ARFGEF2: variants seen among roughly 807,000 people sequenced by gnomAD.
ARFGEF2 encodes ARF guanine nucleotide exchange factor 2.
Under a neutral mutation model 219.9 loss-of-function variants are expected in ARFGEF2, and 74 were observed. The observed-to-expected ratio is 0.34, with a 90% CI of 0.28 to 0.41. The LOEUF is 0.41. Ranked by LOEUF, ARFGEF2 falls within the 10% of genes least tolerant of loss-of-function variation. The pLI, the probability that ARFGEF2 is intolerant of heterozygous loss-of-function variation, is 1.00. For missense variants in ARFGEF2, 1,743 were observed against 2,218.3 expected, an observed-to-expected ratio of 0.79 and a Z score of 4.30; for synonymous variants, 733 against 799.2, an observed-to-expected ratio of 0.92 and a Z score of 1.40.
rs1568712014 is a variant in ARFGEF2 at position 48,969,223 on chromosome 20, G to A, written c.1136G>A (p.Arg379His). The A allele has an allele frequency of 1.9e-6, 3 of 1,614,002 alleles. No individual in the cohort carries two copies. The highest frequency in any genetic ancestry group is 2.5e-6 in the Non-Finnish European group (3 of 1,180,022). The change falls in exon 9 of 39, where the codon CGC becomes CAC. Residue 379 changes from arginine to histidine, a missense_variant. Transcript: ENST00000371917. Reference sequence around the variant, plus strand: ...CAGAAGGATGCCTTCCTTGTGTTCCGCTCCCTGTGCAAGCTGTCCATGAAA... The same window carrying A: ...CAGAAGGATGCCTTCCTTGTGTTCCACTCCCTGTGCAAGCTGTCCATGAAA... ...VLQKDAFLVFRSLCKLSMKPL... is the reference protein window; with the variant it reads ...VLQKDAFLVFHSLCKLSMKPL...
intron 1 of ARFGEF2, among the ~76,000 whole-genome samples, chr20:48,923,824 G>A (rs1313190787): frequency 2.0e-5 from 3 of 152,164 alleles, no homozygotes; most frequent in Non-Finnish European, 4.4e-5. Flanking sequence ...ATTTTCATCT[G>A]GGTCATGAAG....
At position 48,989,596 on chromosome 20, in the gene ARFGEF2, T is replaced by G; in HGVS notation, c.2726T>G (p.Leu909Arg). 1 of 1,614,216 alleles carries G rather than the reference T, an allele frequency of 6.2e-7. No homozygotes were observed. The highest frequency in any genetic ancestry group is 8.5e-7 in the Non-Finnish European group (1 of 1,180,032). The change falls in exon 20 of 39, where the codon CTC becomes CGC. Residue 909 changes from leucine (L) to arginine (R), a missense_variant. Physicochemically the swap from Leu to Arg is moderately radical, Grantham distance 102. This residue lies in a region of ARFGEF2 where 666 missense variants were observed against 955.4 expected (regional missense o/e 0.70). Transcript: ENST00000371917. The stretch of plus-strand genomic sequence containing the variant: ...CTATTGGCAGCCTACAGCATCGGAC[T>G]CCAGAACTGTGATGACACTGAAGTG... Reference protein sequence around the residue: ...TPLLAAYSIGLQNCDDTEVAS... With the variant: ...TPLLAAYSIGRQNCDDTEVAS...
At position 48,976,135 on chromosome 20, in the gene ARFGEF2, G is replaced by A; in HGVS notation, c.1894G>A (p.Asp632Asn). The change falls in exon 14 of 39, where the codon GAT (aspartate) becomes AAT (asparagine). Residue 632 changes from aspartate to asparagine, a missense_variant. Asp to Asn is a conservative substitution (Grantham distance 23, BLOSUM62 1). Around this residue, in one of 5 missense-constraint regions of ARFGEF2, gnomAD observed 666 missense variants for 955.4 expected, o/e 0.70. Coordinates refer to ENST00000371917, the MANE Select transcript of ARFGEF2 (RefSeq NM_006420.3). Reference protein sequence around the residue: ...VSSGTQTTVQDDPEQFEVIKQ... With the variant: ...VSSGTQTTVQNDPEQFEVIKQ... ...CTCGGGGACCCAGACAACTGTTCAG[G>A]ATGACCCTGAGCAATTTGAGGTCAT... 6.2e-7 allele frequency: 1 copy of A among 1,613,926 alleles called. No individual in the cohort carries two copies. The highest frequency in any genetic ancestry group is 1.1e-5 in the South Asian group (1 of 91,062).
intron 8 of ARFGEF2, among the ~76,000 whole-genome samples, chr20:48,967,001 C>T (rs1023964041): frequency 2.0e-5 from 3 of 152,152 alleles, no homozygotes; most frequent in African/African-American, 4.8e-5. Context: ...CATGCACCAC[C>T]ATACCTGGCT....
rs752776166 is a variant in ARFGEF2, at chr20:48,984,726, C to T, written c.1959-3C>T. Reference sequence around the variant, plus strand: ...ACTTGTGTCCCATCTCTGCTTGAAACAGGTTCAACAAGAAACCCAAGAGGG... The same window carrying T: ...ACTTGTGTCCCATCTCTGCTTGAAATAGGTTCAACAAGAAACCCAAGAGGG... On this transcript the variant is annotated splice_region_variant and splice_polypyrimidine_tract_variant and intron_variant, in intron 14 of 38. Transcript: ENST00000371917. 6.2e-7 allele frequency: 1 copy of T among 1,614,068 alleles called. No individual in the cohort carries two copies. Among genetic ancestry groups the T allele is most frequent in the Non-Finnish European group, 8.5e-7 (1 of 1,180,026 alleles).
intron 1 of ARFGEF2, among the ~76,000 whole-genome samples, chr20:48,931,393 G>A (rs951664840): frequency 6.6e-6 from 1 of 152,130 alleles, no homozygotes; most frequent in African/African-American, 2.4e-5. Flanking sequence ...CAGTACTTGG[G>A]AATTCAGCAG....
intron 6 of ARFGEF2, among the ~76,000 whole-genome samples, chr20:48,957,181 A>AC (rs1231015261): frequency 2.0e-5 from 3 of 152,092 alleles, no homozygotes; most frequent in African/African-American, 7.2e-5. Context: ...CAGCTGAGTC[A>AC]CCCCCCTTCT....
Position 49,005,230 on chromosome 20 carries a change from TTTGCTCTGGAAGA to T in ARFGEF2, c.3584+10_3584+22del, listed in dbSNP as rs2091450351. The T allele has an allele frequency of 6.2e-7, 1 of 1,613,964 alleles. No homozygotes were observed. The highest frequency in any genetic ancestry group is 1.3e-5 in the African/African-American group (1 of 74,918). ...ATTATGAAGAAAAACAGGTATGTGTTTTGCTCTGGAAGACGCTTGGTCAAATTCCCCGTTGGGG... is the reference window on the plus strand; with the variant it reads ...ATTATGAAGAAAAACAGGTATGTGTTCGCTTGGTCAAATTCCCCGTTGGGG... On this transcript the variant is annotated intron_variant, in intron 26 of 38. Coordinates refer to ENST00000371917, the MANE Select transcript of ARFGEF2 (RefSeq NM_006420.3).
intron 37 of ARFGEF2, among the ~76,000 whole-genome samples, chr20:49,030,288 C>T (rs2123581259): frequency 6.6e-6 from 1 of 152,104 alleles, no homozygotes; most frequent in South Asian, 2.1e-4. Flanking sequence ...AAAAAAGCTG[C>T]AAAAGTGTTT....
chr20:48,958,917 A>G (rs1259947921), intron 6 of ARFGEF2, among the ~76,000 whole-genome samples: 1 of 152,200 alleles, frequency 6.6e-6, no homozygotes, highest in East Asian at 1.9e-4. Flanking sequence ...CTGAGGCAAC[A>G]GGGTATCAGC....
chr20:48,935,754 G>A (rs1289150239), intron 1 of ARFGEF2, among the ~76,000 whole-genome samples: 1 of 149,038 alleles, frequency 6.7e-6, no homozygotes, highest in Non-Finnish European at 1.5e-5. Context: ...CGGACAGGGC[G>A]GCTGGCTGGG....
At chr20:48,959,859 C>T (rs1233698545) in intron 6 of ARFGEF2, among the ~76,000 whole-genome samples, 2 of 151,930 alleles carry the variant, frequency 1.3e-5, no homozygotes, top group Non-Finnish European at 2.9e-5. Context: ...CCTCAACCTC[C>T]CAAAGTGCTG....
chr20:49,030,757 G>A (rs2123583047), intron 37 of ARFGEF2, among the ~76,000 whole-genome samples: 1 of 152,254 alleles, frequency 6.6e-6, no homozygotes, highest in African/African-American at 2.4e-5. Flanking sequence ...CCAGCACTTT[G>A]GGAGGCCGAG....
At chr20:48,927,097 A>C (rs35393280) in intron 1 of ARFGEF2, among the ~76,000 whole-genome samples, 32,878 of 152,038 alleles carry the variant, frequency 0.22, 3,677 homozygotes, top group Non-Finnish European at 0.24. Flanking sequence ...TGTTGTAAAG[A>C]GGAAGAAGGA....
At chr20:49,022,450 C>T (rs1228691827) in intron 34 of ARFGEF2, among the ~76,000 whole-genome samples, 2 of 144,630 alleles carry the variant, frequency 1.4e-5, no homozygotes, top group Admixed American at 1.4e-4. Context: ...AACCCACAAG[C>T]TTCTGGCCTC....
At position 49,035,061 on chromosome 20, in the gene ARFGEF2, C is replaced by T. The variant is rs1212528245; in HGVS notation, c.*1862C>T. On this transcript the variant is annotated 3_prime_UTR_variant, in exon 39 of 39. Transcript: ENST00000371917. ...ACACTGCACCATGAAACCTACACTC[C>T]CTGGTATCATAGCGCGTCATCACCT... is the stretch of plus-strand genomic sequence containing the variant. 1 of 152,170 alleles carries T rather than the reference C, an allele frequency of 6.6e-6. No homozygotes were observed. 9.4% of individuals were successfully genotyped at this position (152,170 alleles called of 1,614,324 possible). A position where few individuals can be genotyped will look rare whatever the true frequency, so the allele number is the denominator to read the frequency against.
chr20:48,984,932 G>A (rs986070671), intron 15 of ARFGEF2, 92 bp downstream of exon 15: 1 of 1,599,930 alleles, frequency 6.3e-7, no homozygotes. Flanking sequence ...CTGGCCCTAA[G>A]TACATTGTCT....
rs2091595867 is a variant in ARFGEF2, at chr20:49,025,397, C to G, written c.4840C>G (p.Leu1614Val). The G allele has an allele frequency of 6.2e-7, 1 of 1,613,984 alleles. No homozygotes were observed. Among genetic ancestry groups the G allele is most frequent in the African/African-American group, 1.3e-5 (1 of 74,916 alleles). ...KYMSSQHLFK[L>V]LDCLQESHSF... The stretch of plus-strand genomic sequence containing the variant: ...CATGTCTTCCCAGCACCTCTTCAAG[C>G]TGTTGGACTGTTTGCAGGAATCCCA... Residue 1614 changes from leucine to valine, a missense_variant, in exon 36 of 39, where the codon CTG (leucine) becomes GTG (valine). Physicochemically the swap from Leu to Val is conservative, Grantham distance 32. Coordinates refer to ENST00000371917, the MANE Select transcript of ARFGEF2 (RefSeq NM_006420.3).
At chr20:49,030,151 C>T (rs2091625507) in intron 37 of ARFGEF2, among the ~76,000 whole-genome samples, 1 of 151,248 alleles carries the variant, frequency 6.6e-6, no homozygotes, top group South Asian at 2.1e-4. Context: ...CTCGTGATCC[C>T]CCCACCTCGG....
Sources: allele counts gnomAD v4.1 joint callset (sites outside exome capture counted in the v4.1 genomes callset), GRCh38; gene constraint gnomAD v4.1.1; regional missense constraint gnomAD v4.1.1; transcripts MANE v1.5; gene names NCBI Gene and HGNC (gene_info 2026-07-23, HGNC 2026-07-21).